Variants in ZFAND6 observed in about 807,000 individuals in gnomAD.
ZFAND6 encodes the protein zinc finger AN1-type containing 6.
In ZFAND6, 12 loss-of-function variants were observed where a neutral mutation model predicts 24.5. The observed-to-expected ratio is 0.49, with a 90% CI of 0.31 to 0.79. The LOEUF (loss-of-function observed/expected upper bound fraction) is 0.79, where lower values mean the gene tolerates loss of function less well. Ranked by LOEUF, ZFAND6 falls within the 30% of genes least tolerant of loss-of-function variation. The pLI, the probability that ZFAND6 is intolerant of heterozygous loss-of-function variation, is 0.04. For missense variants in ZFAND6, 207 were observed against 245.9 expected (o/e 0.84, Z 1.06); for synonymous variants, 92 against 81.5 (o/e 1.13, Z -0.69).
At chr15:80,132,941 T>TAAA (rs3974671) in intron 6 of ZFAND6, among the ~76,000 whole-genome samples, 1,726 of 145,370 alleles carry the variant, frequency 0.012, 39 homozygotes, top group African/African-American at 0.037. Flanking sequence ...GGACTATTGT[T>TAAA]AAAAAAAAAA....
chr15:80,110,322 A>C (rs2039543720), intron 2 of ZFAND6, among the ~76,000 whole-genome samples: 1 of 152,086 alleles, frequency 6.6e-6, no homozygotes, highest in Non-Finnish European at 1.5e-5. Flanking sequence ...AATAAGATAC[A>C]CCATTTATAG....
chr15:80,099,623 T>A (rs1042089759), intron 2 of ZFAND6, among the ~76,000 whole-genome samples: 13 of 141,504 alleles, frequency 9.2e-5, no homozygotes, highest in African/African-American at 3.6e-4. Context: ...ATATCCTTTT[T>A]TTTTTTTTTT....
intron 1 of ZFAND6, among the ~76,000 whole-genome samples, chr15:80,097,834 A>G (rs75335578): frequency 0.034 from 5,154 of 152,102 alleles, 277 homozygotes; most frequent in East Asian, 0.22. Context: ...AGTTTAGTAG[A>G]ATAGTTTTTT....
intron 1 of ZFAND6, among the ~76,000 whole-genome samples, chr15:80,081,369 C>T (rs1200082449): frequency 6.6e-6 from 1 of 152,130 alleles, no homozygotes; most frequent in Non-Finnish European, 1.5e-5. Context: ...TGAGTATTTC[C>T]TATCTGATAA....
intron 1 of ZFAND6, among the ~76,000 whole-genome samples, chr15:80,067,997 T>G (rs2036747810): frequency 6.6e-6 from 1 of 152,218 alleles, no homozygotes; most frequent in South Asian, 2.1e-4. Context: ...AATCTTACTC[T>G]GTTGCCCAGG....
chr15:80,097,677 C>A (rs372427635), intron 1 of ZFAND6, among the ~76,000 whole-genome samples: 7 of 88,764 alleles, frequency 7.9e-5, no homozygotes, highest in East Asian at 2.1e-4. Context: ...TAAATAAATA[C>A]ATACATTTAT....
intron 1 of ZFAND6, among the ~76,000 whole-genome samples, chr15:80,096,241 G>T (rs116728105): frequency 6.6e-6 from 1 of 152,130 alleles, no homozygotes; most frequent in Admixed American, 6.5e-5. Flanking sequence ...CTGTTATATC[G>T]TAAACACCTA....
chr15:80,113,326 G>A (rs926521629), intron 2 of ZFAND6, among the ~76,000 whole-genome samples: 2 of 152,148 alleles, frequency 1.3e-5, no homozygotes, highest in African/African-American at 4.8e-5. Context: ...CTGGAATTAC[G>A]TGACATTCCC....
intron 2 of ZFAND6, among the ~76,000 whole-genome samples, chr15:80,099,214 AAGTTAACAC>A (rs2038898802): frequency 6.6e-6 from 1 of 151,996 alleles, no homozygotes; most frequent in Admixed American, 6.5e-5. Context: ...TAAGGTGTTA[AAGTTAACAC>A]CTTAAGAATC....
chr15:80,088,276 T>A (rs1347996103), intron 1 of ZFAND6, among the ~76,000 whole-genome samples: 1 of 152,088 alleles, frequency 6.6e-6, no homozygotes, highest in East Asian at 1.9e-4. Flanking sequence ...CTCTATTCTT[T>A]AAGACTTTGG....
intron 2 of ZFAND6, 36 bp from the exon 3 acceptor site, chr15:80,120,292 T>C (rs991078348): frequency 1.1e-5 from 16 of 1,441,880 alleles, no homozygotes; most frequent in Non-Finnish European, 1.4e-5. Flanking sequence ...GGAAGTTACG[T>C]GTCTGAGTTC....
At position 80,131,265 on chromosome 15, in the gene ZFAND6, C is replaced by T. The variant is rs1188861594; in HGVS notation, c.450C>T (p.Phe150=). The change falls in exon 6 of 7, where the codon TTC becomes TTT. Residue 150 remains phenylalanine, a synonymous_variant. Coordinates refer to ENST00000261749, the MANE Select transcript of ZFAND6 (RefSeq NM_019006.4). ...EKPKQKKNRC[F]MCRKKVGLTG... Reference sequence around the variant, plus strand: ...CGAAACAAAAAAAGAATCGCTGTTTCATGTGCAGGAAGAAAGTGGGACTTA... The same window carrying T: ...CGAAACAAAAAAAGAATCGCTGTTTTATGTGCAGGAAGAAAGTGGGACTTA... 1.3e-5 allele frequency: 21 copies of T among 1,613,060 alleles called. No individual in the cohort carries two copies. Among genetic ancestry groups the T allele is most frequent in the Non-Finnish European group, 1.7e-5 (20 of 1,179,458 alleles).
chr15:80,067,791 A>G (rs1036969369), intron 1 of ZFAND6, among the ~76,000 whole-genome samples: 2 of 152,144 alleles, frequency 1.3e-5, no homozygotes, highest in African/African-American at 2.4e-5. Flanking sequence ...ACATCTGACT[A>G]TTGAGATATG....
rs374069694 is a variant in ZFAND6 at position 80,094,119 on chromosome 15, A to G, written c.-180-4297A>G. 3.9e-5 allele frequency among the ~76,000 whole-genome samples: 6 copies of G among 152,334 alleles called. No individual in the cohort carries two copies. The East Asian group carries it at 1.2e-3, about 29-fold the overall frequency. ...CTTTTAGCTATTTAGAATCCTTGGA[A>G]CATGAGGTTCAGATGCTTACCAGGT... is the stretch of plus-strand genomic sequence containing the variant. On this transcript the variant is annotated intron_variant, in intron 1 of 6. Transcript: ENST00000261749.
At chr15:80,087,758 C>T (rs1412715305) in intron 1 of ZFAND6, among the ~76,000 whole-genome samples, 1 of 152,124 alleles carries the variant, frequency 6.6e-6, no homozygotes, top group East Asian at 1.9e-4. Flanking sequence ...ATTGCATGTA[C>T]AGTACAAGGA....
chr15:80,104,650 A>C (rs566487027), intron 2 of ZFAND6, among the ~76,000 whole-genome samples: 46 of 152,148 alleles, frequency 3.0e-4, no homozygotes, highest in African/African-American at 1.1e-3. Context: ...AAATCCTCTT[A>C]TGTTATCTGG....
At chr15:80,088,067 C>T (rs1183584064) in intron 1 of ZFAND6, among the ~76,000 whole-genome samples, 1 of 152,126 alleles carries the variant, frequency 6.6e-6, no homozygotes, top group Non-Finnish European at 1.5e-5. Context: ...AACTTTTATG[C>T]AATAATATTA....
chr15:80,080,824 AAG>A (rs2037620746), intron 1 of ZFAND6, among the ~76,000 whole-genome samples: 2 of 152,318 alleles, frequency 1.3e-5, no homozygotes, highest in East Asian at 3.9e-4. Context: ...CCAGGAGCTA[AAG>A]AGAGTGGGGT....
intron 1 of ZFAND6, among the ~76,000 whole-genome samples, chr15:80,093,208 G>A (rs930726562): frequency 6.6e-6 from 1 of 151,390 alleles, no homozygotes; most frequent in African/African-American, 2.4e-5. Flanking sequence ...CTCGTGATCC[G>A]CCTGCCTCGG....
Sources: allele counts gnomAD v4.1 joint callset (sites outside exome capture counted in the v4.1 genomes callset), GRCh38; gene constraint gnomAD v4.1.1; transcripts MANE v1.5; gene names NCBI Gene and HGNC (gene_info 2026-07-23, HGNC 2026-07-21).